FHAD1: variants seen among roughly 807,000 people sequenced by gnomAD.
FHAD1 encodes the protein forkhead associated phosphopeptide binding domain 1, also known as forkhead-associated domain-containing protein 1.
Under a neutral mutation model 191.3 loss-of-function variants are expected in FHAD1, and 146 were observed. That is an observed-to-expected ratio of 0.76 (90% CI 0.67 to 0.88). FHAD1 has a LOEUF of 0.88. Among genes scored for constraint, FHAD1 ranks in the 40% least tolerant of loss-of-function variants. The probability of loss-of-function intolerance (pLI) is 0.00; values close to 1 mark genes in which losing one functional copy is unlikely to be tolerated. For missense variants in FHAD1, 1,635 were observed against 1,785.8 expected, an observed-to-expected ratio of 0.92 and a Z score of 1.52; for synonymous variants, 616 against 672.3, an observed-to-expected ratio of 0.92 and a Z score of 1.29.
intron 20 of FHAD1, among the ~76,000 whole-genome samples, chr1:15,356,914 G>T (rs887127008): frequency 1.3e-5 from 2 of 151,894 alleles, no homozygotes; most frequent in African/African-American, 4.8e-5. Flanking sequence ...TGCGTAGAAT[G>T]TCTCAATGTC....
intron 8 of FHAD1, among the ~76,000 whole-genome samples, chr1:15,315,473 C>T (rs901098970): frequency 6.9e-6 from 1 of 145,488 alleles, no homozygotes; most frequent in African/African-American, 2.5e-5. Context: ...GGTTATCGGA[C>T]ATGGGTGTTT....
Position 15,358,271 on chromosome 1 carries a change from C to T in FHAD1, c.2724C>T (p.Thr908=). The part of the protein sequence containing the change: ...LNETLAELET[T]KTKMIMVEER... ...AAACATTAGCCGAACTGGAAACTAC[C>T]AAGACAAAAATGGTAAGTCGGTGCC... is the stretch of plus-strand genomic sequence containing the variant. Residue 908 remains threonine (T), a synonymous_variant, in exon 21 of 34, where the codon ACC becomes ACT. Transcript: ENST00000688493. 4 of 1,527,918 alleles carry T rather than the reference C, an allele frequency of 2.6e-6. No homozygotes were observed. Among genetic ancestry groups the T allele is most frequent in the Non-Finnish European group, 3.5e-6 (4 of 1,141,670 alleles). 94.6% of individuals were successfully genotyped at this position (1,527,918 alleles called of 1,614,324 possible). A position where few individuals can be genotyped will look rare whatever the true frequency, so the allele number is the denominator to read the frequency against.
intron 19 of FHAD1, among the ~76,000 whole-genome samples, chr1:15,350,168 A>C (rs957678713): frequency 1.2e-4 from 18 of 152,178 alleles, no homozygotes; most frequent in Non-Finnish European, 1.9e-4. Context: ...TCATCCACCC[A>C]CCGTGGGCCA....
chr1:15,266,352 G>A (rs1653491178), intron 2 of FHAD1, among the ~76,000 whole-genome samples: 1 of 151,464 alleles, frequency 6.6e-6, no homozygotes, highest in South Asian at 2.1e-4. Flanking sequence ...CAAGCCTCCT[G>A]ACTTGGCCCC....
At chr1:15,365,520 C>T (rs1696154787) in intron 23 of FHAD1, among the ~76,000 whole-genome samples, 1 of 133,640 alleles carries the variant, frequency 7.5e-6, no homozygotes, top group South Asian at 2.4e-4. Flanking sequence ...GGGGTTCTGA[C>T]TTATGTAGCC....
At chr1:15,263,751 G>A (rs1395468028) in intron 2 of FHAD1, among the ~76,000 whole-genome samples, 2 of 152,120 alleles carry the variant, frequency 1.3e-5, no homozygotes, top group South Asian at 4.1e-4. Flanking sequence ...TTGATCTCCT[G>A]ACCTCGTGAT....
At chr1:15,386,517 C>A (rs557832369) in intron 31 of FHAD1, among the ~76,000 whole-genome samples, 1 of 152,246 alleles carries the variant, frequency 6.6e-6, no homozygotes, top group African/African-American at 2.4e-5. Flanking sequence ...GATGCAAGCC[C>A]GTTCTTCGGC....
chr1:15,263,975 G>T (rs1170210151), intron 2 of FHAD1, among the ~76,000 whole-genome samples: 1 of 152,090 alleles, frequency 6.6e-6, no homozygotes, highest in East Asian at 1.9e-4. Flanking sequence ...TTTCTAATCT[G>T]TTTCACTGTC....
intron 4 of FHAD1, among the ~76,000 whole-genome samples, chr1:15,295,734 T>G (rs952492921): frequency 1.3e-5 from 2 of 152,230 alleles, no homozygotes; most frequent in African/African-American, 4.8e-5. Flanking sequence ...GGGCCAGCTG[T>G]ATCTATTTCT....
At chr1:15,247,656 T>C (rs1015163775) in intron 1 of FHAD1, among the ~76,000 whole-genome samples, 2 of 152,114 alleles carry the variant, frequency 1.3e-5, no homozygotes, top group African/African-American at 2.4e-5. Context: ...TGGGAAGTCC[T>C]GGGGGTTACA....
At chr1:15,323,013 C>T (rs1676870769) in intron 10 of FHAD1, among the ~76,000 whole-genome samples, 1 of 152,160 alleles carries the variant, frequency 6.6e-6, no homozygotes, top group Non-Finnish European at 1.5e-5. Flanking sequence ...AGTGGAAACC[C>T]CTGATAAACC....
At chr1:15,343,900 T>A (rs1687797168) in intron 16 of FHAD1, 1 of 152,344 alleles carries the variant, frequency 6.6e-6, no homozygotes, top group East Asian at 1.9e-4. Flanking sequence ...TGGATGGACT[T>A]TTTCCCTTGT....
intron 19 of FHAD1, among the ~76,000 whole-genome samples, chr1:15,351,565 CAGAT>C (rs1192691719): frequency 1.3e-5 from 2 of 152,106 alleles, no homozygotes; most frequent in African/African-American, 2.4e-5. Context: ...CAGGGATAAT[CAGAT>C]AGATGCTCTC....
intron 2 of FHAD1, among the ~76,000 whole-genome samples, chr1:15,259,610 C>T (rs1359636678): frequency 6.6e-6 from 1 of 152,200 alleles, no homozygotes; most frequent in Non-Finnish European, 1.5e-5. Flanking sequence ...TGGGGATTAT[C>T]AGCAGAACAG....
chr1:15,301,757 G>A (rs1668863316), intron 6 of FHAD1, among the ~76,000 whole-genome samples: 1 of 152,250 alleles, frequency 6.6e-6, no homozygotes, highest in African/African-American at 2.4e-5. Flanking sequence ...GCCGGGCGCT[G>A]TGGCTCACAC....
Position 15,360,430 on chromosome 1 carries a change from G to A in FHAD1, c.2737-48G>A, listed in dbSNP as rs367932885. ...GCCCAGGGGGCATATTATTGTTGCC[G>A]TCATACACAGCTCCCAAGACCTCAC... On this transcript the variant is annotated intron_variant, in intron 21 of 33. Coordinates refer to ENST00000688493, the MANE Select transcript of FHAD1 (RefSeq NM_001391957.1). 1.2e-4 allele frequency: 183 copies of A among 1,507,756 alleles called. 5 individuals carry two copies. The South Asian group carries it at 1.5e-3, about 12-fold the overall frequency. The allele number at this position is 1,507,756 out of a possible 1,614,324, so 93.4% of individuals were successfully genotyped here.
intron 4 of FHAD1, among the ~76,000 whole-genome samples, chr1:15,296,229 T>C (rs933266867): frequency 3.3e-5 from 5 of 151,394 alleles, no homozygotes; most frequent in African/African-American, 1.2e-4. Context: ...TGCTTTTCAG[T>C]GAACACACAC....
intron 18 of FHAD1, among the ~76,000 whole-genome samples, chr1:15,347,196 GA>G (rs1326082287): frequency 6.6e-6 from 1 of 152,204 alleles, no homozygotes; most frequent in Non-Finnish European, 1.5e-5. Flanking sequence ...CAGGGGTGGG[GA>G]TGAGGAGGAG....
intron 7 of FHAD1, 54 bp downstream of exon 7, chr1:15,308,790 G>T (rs1671358303): frequency 6.5e-7 from 1 of 1,548,852 alleles, no homozygotes; most frequent in Non-Finnish European, 8.7e-7. Flanking sequence ...CGTTGTTCTT[G>T]GCCACAGCAG....
Sources: gnomAD v4.1 joint callset for allele counts (sites outside exome capture counted in the v4.1 genomes callset) on GRCh38, gnomAD v4.1.1 for gene constraint, MANE v1.5 for transcripts, NCBI Gene and HGNC (gene_info 2026-07-23, HGNC 2026-07-21) for gene names.